TRMT9B: variants seen among roughly 807,000 people sequenced by gnomAD.
TRMT9B encodes tRNA methyltransferase 9B (putative).
TRMT9B carries 16 observed loss-of-function variants against 11.5 expected under a neutral mutation model. The observed-to-expected ratio is 1.39, with a 90% CI of 0.94 to 2.11. The LOEUF is 2.11. Ranked by LOEUF, TRMT9B falls within the 30% of genes most tolerant of loss-of-function variation. The probability of loss-of-function intolerance (pLI) is 0.00; values close to 1 mark genes in which losing one functional copy is unlikely to be tolerated. For missense variants in TRMT9B, 941 were observed against 553.8 expected (o/e 1.70, Z -7.02); for synonymous variants, 274 against 192.4 (o/e 1.42, Z -3.51).
At chr8:13,006,771 T>G in intron 3 of TRMT9B, 1 of 593,970 alleles carries the variant, frequency 1.7e-6, no homozygotes, top group South Asian at 6.3e-5. Context: ...CAGGTTCAAC[T>G]GATTCTCCTG....
intron 1 of TRMT9B, among the ~76,000 whole-genome samples, chr8:12,948,138 C>T (rs190298432): frequency 6.6e-6 from 1 of 152,170 alleles, no homozygotes; most frequent in East Asian, 1.9e-4. Flanking sequence ...ACCTAACCTA[C>T]TGAACATGAT....
intron 1 of TRMT9B, chr8:12,960,454 G>C (rs1201725516): frequency 6.6e-6 from 1 of 152,170 alleles, no homozygotes; most frequent in Non-Finnish European, 1.5e-5. Flanking sequence ...GACTGTACCT[G>C]TATGGGTGAA....
chr8:12,981,857 C>T (rs1453515272), intron 1 of TRMT9B, among the ~76,000 whole-genome samples: 1 of 152,086 alleles, frequency 6.6e-6, no homozygotes, highest in Non-Finnish European at 1.5e-5. Flanking sequence ...CCTCAGCCTC[C>T]CAAAGCCAGT....
intron 1 of TRMT9B, among the ~76,000 whole-genome samples, chr8:12,967,575 C>T (rs1331401644): frequency 6.6e-6 from 1 of 152,210 alleles, no homozygotes; most frequent in African/African-American, 2.4e-5. Context: ...TAGCTTTTCT[C>T]CACCAATGAA....
intron 4 of TRMT9B, among the ~76,000 whole-genome samples, chr8:13,020,457 C>G (rs1163489096): frequency 6.6e-6 from 1 of 152,116 alleles, no homozygotes; most frequent in Non-Finnish European, 1.5e-5. Context: ...TATTTTATAT[C>G]TTATTATAAG....
intron 1 of TRMT9B, among the ~76,000 whole-genome samples, chr8:12,973,655 G>A (rs994705254): frequency 6.7e-5 from 10 of 149,638 alleles, no homozygotes; most frequent in African/African-American, 2.5e-4. Context: ...AGGTGTAGGG[G>A]TGGATGACAT....
chr8:12,991,934 A>C (rs958220528), intron 2 of TRMT9B, among the ~76,000 whole-genome samples: 30 of 152,176 alleles, frequency 2.0e-4, no homozygotes, highest in Admixed American at 1.3e-4. Context: ...TCTGTCTCAA[A>C]AACAACAACA....
intron 1 of TRMT9B, among the ~76,000 whole-genome samples, chr8:12,956,702 T>A (rs1369877717): frequency 2.6e-5 from 4 of 152,236 alleles, no homozygotes; most frequent in South Asian, 2.1e-4. Context: ...TTTTCCCGAA[T>A]CTTTCTCTCC....
intron 1 of TRMT9B, among the ~76,000 whole-genome samples, chr8:12,976,010 G>A (rs909821639): frequency 2.6e-5 from 4 of 152,298 alleles, no homozygotes; most frequent in South Asian, 2.1e-4. Flanking sequence ...AAACTGACTC[G>A]TGATCTTTGG....
chr8:13,016,267 TTA>T (rs1005160611), intron 4 of TRMT9B, among the ~76,000 whole-genome samples: 3 of 146,284 alleles, frequency 2.1e-5, no homozygotes, highest in Non-Finnish European at 4.5e-5. Flanking sequence ...AAATATATAT[TTA>T]TATATATAAA....
chr8:13,027,866 TA>T lies in TRMT9B; in HGVS notation c.*5824del. ...TGCTTAACTCCTCTTGTTCCAATCTTAACTCAAAATTATGATTATTTTGATT... is the reference window on the plus strand; with the variant it reads ...TGCTTAACTCCTCTTGTTCCAATCTTACTCAAAATTATGATTATTTTGATT... On this transcript the variant is annotated 3_prime_UTR_variant, in exon 5 of 5. Coordinates refer to ENST00000524591, the MANE Select transcript of TRMT9B (RefSeq NM_020844.3). The T allele has an allele frequency of 1.2e-5, 2 of 167,240 alleles. No individual in the cohort carries two copies. Among genetic ancestry groups the T allele is most frequent in the Middle Eastern group, 3.4e-3 (1 of 296 alleles). 10.4% of individuals were successfully genotyped at this position (167,240 alleles called of 1,614,324 possible). A position where few individuals can be genotyped will look rare whatever the true frequency, so the allele number is the denominator to read the frequency against.
chr8:12,986,704 G>T (rs776769557), intron 1 of TRMT9B, among the ~76,000 whole-genome samples: 1 of 152,060 alleles, frequency 6.6e-6, no homozygotes, highest in Non-Finnish European at 1.5e-5. Flanking sequence ...GGATAGTAGT[G>T]GTACATTGTA....
chr8:13,028,032 G>A lies in TRMT9B; in HGVS notation c.*5988G>A, dbSNP rs1430587201. ...GCAAATGAAAGAGCTCAGCATGAGA[G>A]CACAATCAGAAACTGAAGAGAGTTG... On this transcript the variant is annotated 3_prime_UTR_variant, in exon 5 of 5. Coordinates refer to ENST00000524591, the MANE Select transcript of TRMT9B (RefSeq NM_020844.3). 6.0e-6 allele frequency: 1 copy of A among 166,956 alleles called. No individual in the cohort carries two copies. The highest frequency in any genetic ancestry group is 1.5e-5 in the Non-Finnish European group (1 of 68,122). 10.3% of individuals were successfully genotyped at this position (166,956 alleles called of 1,614,324 possible).
intron 1 of TRMT9B, among the ~76,000 whole-genome samples, chr8:12,973,637 C>G (rs1803968236): frequency 6.6e-6 from 1 of 151,386 alleles, no homozygotes; most frequent in Non-Finnish European, 1.5e-5. Flanking sequence ...GCGGGTGAAA[C>G]ATGTTGGAGG....
At chr8:12,992,333 G>T (rs1390657696) in intron 2 of TRMT9B, among the ~76,000 whole-genome samples, 1 of 152,170 alleles carries the variant, frequency 6.6e-6, no homozygotes, top group East Asian at 1.9e-4. Context: ...TGTCCTAAGA[G>T]TGATAGAGAT....
intron 2 of TRMT9B, among the ~76,000 whole-genome samples, chr8:13,003,912 G>C (rs889166080): frequency 2.6e-5 from 4 of 151,192 alleles, no homozygotes; most frequent in East Asian, 2.0e-4. Context: ...GGGTGAGCAA[G>C]ACAGTCTTGA....
At chr8:12,986,488 C>T (rs996971278) in intron 1 of TRMT9B, among the ~76,000 whole-genome samples, 9 of 152,180 alleles carry the variant, frequency 5.9e-5, no homozygotes, top group Non-Finnish European at 1.3e-4. Context: ...AAATACAAGG[C>T]ATTGCTGACC....
chr8:13,003,003 C>T (rs1809751648), intron 2 of TRMT9B, among the ~76,000 whole-genome samples: 2 of 152,134 alleles, frequency 1.3e-5, no homozygotes, highest in Non-Finnish European at 1.5e-5. Flanking sequence ...GTACTCAGAG[C>T]CAGATTCCAT....
At position 13,021,831 on chromosome 8, in the gene TRMT9B, C is replaced by T. The variant is rs779956028; in HGVS notation, c.1152C>T (p.Ser384=). The T allele has an allele frequency of 8.1e-6, 13 of 1,613,520 alleles. No individual in the cohort carries two copies. Among genetic ancestry groups the T allele is most frequent in the Non-Finnish European group, 1.1e-5 (13 of 1,179,738 alleles). Reference sequence around the variant, plus strand: ...TGAGAAGGATTTCTGCAGTTGATTCCACAGATTTCAACCCAGATGATACAA... The same window carrying T: ...TGAGAAGGATTTCTGCAGTTGATTCTACAGATTTCAACCCAGATGATACAA... ...KILRRISAVD[S]TDFNPDDTMS... is the part of the protein sequence containing the mutation. The change falls in exon 5 of 5, where the codon TCC becomes TCT. Residue 384 remains serine (S), a synonymous_variant. Coordinates refer to ENST00000524591, the MANE Select transcript of TRMT9B (RefSeq NM_020844.3).
Sources: gnomAD v4.1 joint callset for allele counts (sites outside exome capture counted in the v4.1 genomes callset) on GRCh38, gnomAD v4.1.1 for gene constraint, MANE v1.5 for transcripts, NCBI Gene and HGNC (gene_info 2026-07-23, HGNC 2026-07-21) for gene names.